Variants in DOCK7 observed in about 807,000 individuals in gnomAD.
The protein encoded by DOCK7 is dedicator of cytokinesis 7, also known as dedicator of cytokinesis protein 7.
DOCK7 carries 138 observed loss-of-function variants against 271.0 expected under a neutral mutation model. The observed-to-expected ratio is 0.51, with a 90% CI of 0.44 to 0.59. The LOEUF (loss-of-function observed/expected upper bound fraction) is 0.59. Among genes scored for constraint, DOCK7 ranks in the 20% least tolerant of loss-of-function variants. The pLI, the probability that DOCK7 is intolerant of heterozygous loss-of-function variation, is 0.00. For missense variants in DOCK7, 2,066 were observed against 2,592.4 expected (o/e 0.80, Z 4.41); for synonymous variants, 823 against 876.1 (o/e 0.94, Z 1.07).
At chr1:62,662,484 C>T (rs1238643370) in intron 2 of DOCK7, among the ~76,000 whole-genome samples, 5 of 152,196 alleles carry the variant, frequency 3.3e-5, no homozygotes, top group Middle Eastern at 3.4e-3. Flanking sequence ...GTTCTAGGGC[C>T]GGACGCGGTG....
intron 1 of DOCK7, among the ~76,000 whole-genome samples, chr1:62,686,882 G>GAA (rs113655880): frequency 6.7e-4 from 99 of 147,440 alleles, no homozygotes; most frequent in African/African-American, 2.2e-3. Context: ...TGGAAAGAAA[G>GAA]AAAAAAAAAA....
At chr1:62,638,469 A>C (rs985459910) in intron 7 of DOCK7, 1 of 151,132 alleles carries the variant, frequency 6.6e-6, no homozygotes, top group Non-Finnish European at 1.5e-5. Flanking sequence ...ATCTGTAAAA[A>C]AAATTTTGTG....
intron 37 of DOCK7, among the ~76,000 whole-genome samples, chr1:62,497,537 TCTCA>T (rs1171030495): frequency 6.6e-6 from 1 of 152,178 alleles, no homozygotes; most frequent in Non-Finnish European, 1.5e-5. Context: ...CATCCTCCCC[TCTCA>T]TTTTTCATAC....
In DOCK7 at chr1:62,619,927, C is replaced by T; in HGVS notation, c.1492G>A (p.Val498Ile). ...GTAATAGGTCTTAGTCGCCGTAAGACAGAAGATGGCCTTCTCATATCAGCA... is the reference window on the plus strand; with the variant it reads ...GTAATAGGTCTTAGTCGCCGTAAGATAGAAGATGGCCTTCTCATATCAGCA... ...FLADMRRPSSVLRRLRPITAQ... is the reference protein window; with the variant it reads ...FLADMRRPSSILRRLRPITAQ... Residue 498 changes from valine (V) to isoleucine (I), a missense_variant, in exon 13 of 50, where the codon GTC (valine) becomes ATC (isoleucine). Physicochemically the swap from Val to Ile is conservative, Grantham distance 29. Around this residue, in one of 2 missense-constraint regions of DOCK7, gnomAD observed 1,414 missense variants for 1,670.4 expected, o/e 0.85. Transcript: ENST00000635253. 2 of 1,613,590 alleles carry T rather than the reference C, an allele frequency of 1.2e-6. No individual in the cohort carries two copies. Among genetic ancestry groups the T allele is most frequent in the Non-Finnish European group, 1.7e-6 (2 of 1,179,714 alleles).
intron 28 of DOCK7, 110 bp from the exon 29 acceptor site, chr1:62,535,742 A>T (rs1047905672): frequency 2.0e-5 from 22 of 1,092,464 alleles, no homozygotes; most frequent in Non-Finnish European, 2.6e-5. Context: ...TTTATTTTAT[A>T]TTACTAACAC....
chr1:62,487,624 T>G (rs946885813), intron 42 of DOCK7: 2 of 455,940 alleles, frequency 4.4e-6, no homozygotes, highest in Non-Finnish European at 4.0e-6. Context: ...TTAAAAACTT[T>G]AAGTGAAAGT....
At chr1:62,488,287 G>A (rs1646355379) in intron 42 of DOCK7, 1 of 152,510 alleles carries the variant, frequency 6.6e-6, no homozygotes, top group African/African-American at 2.4e-5. Context: ...TCAACTGCTA[G>A]TAGTGTACTT....
chr1:62,528,266 G>A lies in DOCK7; in HGVS notation c.3821C>T (p.Thr1274Ile). 2 of 1,613,350 alleles carry A rather than the reference G, an allele frequency of 1.2e-6. No homozygotes were observed. The highest frequency in any genetic ancestry group is 1.7e-6 in the Non-Finnish European group (2 of 1,179,668). ...TCCGCTCTCACTTTCATAATCATCA[G>A]TGGCTATACAAATTGGTCTTCCTCG... Reference protein sequence around the residue: ...NQRGRPICIATDDYESESGSM... With the variant: ...NQRGRPICIAIDDYESESGSM... Residue 1274 changes from threonine to isoleucine, a missense_variant, in exon 31 of 50, where the codon ACT (threonine) becomes ATT (isoleucine). Thr to Ile is a moderately conservative substitution (Grantham distance 89, BLOSUM62 -1). Coordinates refer to ENST00000635253, the MANE Select transcript of DOCK7 (RefSeq NM_001367561.1).
At chr1:62,647,898 T>C (rs1291091083) in intron 6 of DOCK7, 122 bp from the exon 7 acceptor site, 4 of 864,890 alleles carry the variant, frequency 4.6e-6, no homozygotes, top group Non-Finnish European at 7.4e-6. Context: ...TAGAGAAGAA[T>C]GACCTATTTA....
At chr1:62,469,013 T>C (rs1191411486) in intron 48 of DOCK7, among the ~76,000 whole-genome samples, 1 of 152,110 alleles carries the variant, frequency 6.6e-6, no homozygotes. Flanking sequence ...AATCTACAAA[T>C]TCAATGCAAT....
intron 18 of DOCK7, among the ~76,000 whole-genome samples, chr1:62,564,422 T>C (rs1646440521): frequency 6.6e-6 from 1 of 151,780 alleles, no homozygotes; most frequent in Non-Finnish European, 1.5e-5. Context: ...CTCAACTACA[T>C]GGAAACTGAA....
At chr1:62,494,517 G>C (rs775504978) in intron 39 of DOCK7, 50 bp from the exon 40 acceptor site, 15 of 1,542,434 alleles carry the variant, frequency 9.7e-6, no homozygotes, top group Middle Eastern at 1.8e-4. Context: ...CCCAAGCTGG[G>C]AGGGAGTTTA....
rs58799727 is a variant in DOCK7 at position 62,584,077 on chromosome 1, T to C, written c.1801-823A>G. The C allele has an allele frequency of 2.7e-3, 2,374 of 870,364 alleles. 57 individuals are homozygous for C. In the African/African-American group the frequency reaches 0.04, roughly 15 times the overall value. 53.9% of individuals were successfully genotyped at this position (870,364 alleles called of 1,614,324 possible). On this transcript the variant is annotated intron_variant, in intron 15 of 49. Coordinates refer to ENST00000635253, the MANE Select transcript of DOCK7 (RefSeq NM_001367561.1). ...ATATGCATGAATAGATATGTGAACA[T>C]GTCAGACAATTCCATCAACACAACT...
At chr1:62,667,244 G>A (rs772635548) in intron 1 of DOCK7, among the ~76,000 whole-genome samples, 1 of 152,170 alleles carries the variant, frequency 6.6e-6, no homozygotes, top group Non-Finnish European at 1.5e-5. Context: ...AGAAAGTTTA[G>A]TTGAGCTGCT....
intron 4 of DOCK7, 58 bp downstream of exon 4, chr1:62,653,667 A>T: frequency 8.9e-7 from 1 of 1,121,360 alleles, no homozygotes; most frequent in Non-Finnish European, 1.4e-6. Flanking sequence ...AATCTGCCTT[A>T]ATCCATTTAG....
chr1:62,462,108 T>C (rs1052674343), intron 48 of DOCK7, among the ~76,000 whole-genome samples: 2 of 151,772 alleles, frequency 1.3e-5, no homozygotes, highest in African/African-American at 2.4e-5. Flanking sequence ...AAAAGCATTA[T>C]ATACTAAAGA....
Position 62,559,008 on chromosome 1 carries a change from A to G in DOCK7, c.2412T>C (p.Pro804=). 6.2e-7 allele frequency: 1 copy of G among 1,612,816 alleles called. No individual in the cohort carries two copies. Among genetic ancestry groups the G allele is most frequent in the South Asian group, 1.1e-5 (1 of 90,986 alleles). ...AATTACCTATTTGGCCAGCAATGAC[A>G]GGAGGTCTAATAACTAAAAGTATCA... The part of the protein sequence containing the change: ...DKLILLVIRP[P]VIAGQIVNLG... Residue 804 remains proline, a synonymous_variant, in exon 20 of 50, where the codon CCT becomes CCC. Coordinates refer to ENST00000635253, the MANE Select transcript of DOCK7 (RefSeq NM_001367561.1).
At chr1:62,664,676 C>T (rs1659070069) in intron 1 of DOCK7, among the ~76,000 whole-genome samples, 1 of 151,698 alleles carries the variant, frequency 6.6e-6, no homozygotes, top group South Asian at 2.1e-4. Context: ...AAGATGCTAA[C>T]TGGAGAAATT....
rs1271235101 is a variant in DOCK7 at position 62,544,975 on chromosome 1, T to C, written c.2831A>G (p.Asn944Ser). 12 of 1,549,638 alleles carry C rather than the reference T, an allele frequency of 7.7e-6. No individual in the cohort carries two copies. The highest frequency in any genetic ancestry group is 7.9e-6 in the Non-Finnish European group (9 of 1,146,482). ...TGTTGATTCTGCACTTGGACTGGGG[T>C]TGGATCCCCATGGGGCAGCTTTTGG... ...GGPKAAPWGSNPSPSAESTQA... is the reference protein window; with the variant it reads ...GGPKAAPWGSSPSPSAESTQA... The change falls in exon 23 of 50, where the codon AAC becomes AGC. Residue 944 changes from asparagine (N) to serine (S), a missense_variant. Transcript: ENST00000635253.
Sources: allele counts gnomAD v4.1 joint callset (sites outside exome capture counted in the v4.1 genomes callset), GRCh38; gene constraint gnomAD v4.1.1; regional missense constraint gnomAD v4.1.1; transcripts MANE v1.5; gene names NCBI Gene and HGNC (gene_info 2026-07-23, HGNC 2026-07-21).